The following TRIM55 variants were observed in gnomAD, a reference collection of about 807,000 sequenced individuals.
The protein encoded by TRIM55 is tripartite motif containing 55.
A neutral mutation model predicts 60.9 loss-of-function variants in TRIM55; 50 were observed. That is an observed-to-expected ratio of 0.82 (90% CI 0.65 to 1.04). The LOEUF is 1.04. Among genes scored for constraint, TRIM55 ranks in the 50% least tolerant of loss-of-function variants. The probability of loss-of-function intolerance (pLI) is 0.00; values close to 1 mark genes in which losing one functional copy is unlikely to be tolerated. For synonymous variants in TRIM55, 237 were observed against 238.1 expected (o/e 1.00, Z 0.04); for missense variants, 681 against 666.9 (o/e 1.02, Z -0.23).
intron 4 of TRIM55, among the ~76,000 whole-genome samples, chr8:66,147,568 G>C (rs559503360): frequency 6.6e-6 from 1 of 151,926 alleles, no homozygotes; most frequent in Non-Finnish European, 1.5e-5. Context: ...AGGCCGAGGC[G>C]GGTGGATCAT....
chr8:66,127,191 G>A lies in TRIM55; in HGVS notation c.-78G>A. The A allele has an allele frequency of 1.4e-6, 2 of 1,428,478 alleles. No homozygotes were observed. The highest frequency in any genetic ancestry group is 1.9e-6 in the Non-Finnish European group (2 of 1,043,546). 88.5% of individuals were successfully genotyped at this position (1,428,478 alleles called of 1,614,324 possible). ...AAGGACACTTGATCACACAATCCCT[G>A]GAATAATATCCAGGAAACACTTGCT... On this transcript the variant is annotated 5_prime_UTR_variant, in exon 1 of 10. Transcript: ENST00000315962.
intron 9 of TRIM55, among the ~76,000 whole-genome samples, chr8:66,164,860 A>G (rs905624556): frequency 2.0e-5 from 3 of 152,170 alleles, no homozygotes. Context: ...AGGAAAATAA[A>G]AAACATTACA....
chr8:66,168,978 G>C (rs535362352), intron 9 of TRIM55, among the ~76,000 whole-genome samples: 1 of 152,328 alleles, frequency 6.6e-6, no homozygotes, highest in South Asian at 2.1e-4. Flanking sequence ...CACAAGACAG[G>C]TAAGCGTTAG....
chr8:66,146,790 A>T (rs1810119051), intron 4 of TRIM55, among the ~76,000 whole-genome samples: 1 of 151,888 alleles, frequency 6.6e-6, no homozygotes, highest in African/African-American at 2.4e-5. Flanking sequence ...GAACAGTCCG[A>T]CTCTCAAGCT....
At chr8:66,157,242 G>A (rs1167224130) in intron 9 of TRIM55, among the ~76,000 whole-genome samples, 1 of 152,214 alleles carries the variant, frequency 6.6e-6, no homozygotes, top group South Asian at 2.1e-4. Context: ...TGTGGGGAGG[G>A]CGTTGACATC....
chr8:66,146,418 G>A (rs1271901249), intron 4 of TRIM55, among the ~76,000 whole-genome samples: 1 of 152,108 alleles, frequency 6.6e-6, no homozygotes, highest in Non-Finnish European at 1.5e-5. Flanking sequence ...TTTGACTTGA[G>A]AGAGTACACT....
intron 2 of TRIM55, among the ~76,000 whole-genome samples, chr8:66,131,782 A>G (rs769482386): frequency 4.6e-5 from 7 of 152,122 alleles, no homozygotes; most frequent in Non-Finnish European, 1.5e-5. Flanking sequence ...TAAGCTTCTC[A>G]CTGCAGGAAT....
intron 2 of TRIM55, among the ~76,000 whole-genome samples, chr8:66,129,061 GA>G (rs368424536): frequency 0.013 from 1,921 of 151,616 alleles, 47 homozygotes; most frequent in African/African-American, 0.04. Flanking sequence ...GAGCCATGAG[GA>G]AAAAAAAGGG....
At chr8:66,163,880 C>A (rs1586248853) in intron 9 of TRIM55, among the ~76,000 whole-genome samples, 1 of 152,134 alleles carries the variant, frequency 6.6e-6, no homozygotes, top group African/African-American at 2.4e-5. Flanking sequence ...ATTTTGAGAT[C>A]TTTGACTAGA....
intron 2 of TRIM55, among the ~76,000 whole-genome samples, chr8:66,133,418 C>G (rs1464014768): frequency 2.6e-5 from 4 of 151,384 alleles, no homozygotes; most frequent in African/African-American, 9.7e-5. Flanking sequence ...AAAGACTCAT[C>G]ATGGCCCCTG....
chr8:66,136,946 T>C (rs1563368421), intron 3 of TRIM55, 149 bp from the exon 4 acceptor site: 1 of 546,280 alleles, frequency 1.8e-6, no homozygotes, highest in Non-Finnish European at 3.2e-6. Flanking sequence ...TTGCTTGCAA[T>C]ATCAGAAGGT....
chr8:66,140,077 C>A (rs909377191), intron 4 of TRIM55, among the ~76,000 whole-genome samples: 8 of 152,158 alleles, frequency 5.3e-5, no homozygotes, highest in Non-Finnish European at 7.4e-5. Flanking sequence ...GTCCTAGGAG[C>A]AATAGATTGT....
chr8:66,116,875 A>T, the TRIM55 span, among the ~76,000 whole-genome samples: 1 of 152,270 alleles, frequency 6.6e-6, no homozygotes, highest in African/African-American at 2.4e-5. Flanking sequence ...ACAGACCAAT[A>T]TAGCTTATGA....
chr8:66,154,200 G>C lies in TRIM55; in HGVS notation c.1390G>C (p.Glu464Gln). 4 of 1,614,062 alleles carry C rather than the reference G, an allele frequency of 2.5e-6. No homozygotes were observed. Among genetic ancestry groups the C allele is most frequent in the Non-Finnish European group, 2.5e-6 (3 of 1,179,996 alleles). Reference sequence around the variant, plus strand: ...CAACCCACCTTGCACCCCAGGGAGCGAAGGTCTGGGGCAAATAGGGCCTCC... The same window carrying C: ...CAACCCACCTTGCACCCCAGGGAGCCAAGGTCTGGGGCAAATAGGGCCTCC... ...TTNPPCTPGS[E>Q]GLGQIGPPGS... The change falls in exon 9 of 10, where the codon GAA (glutamate) becomes CAA (glutamine). Residue 464 changes from glutamate (E) to glutamine (Q), a missense_variant. Transcript: ENST00000315962.
chr8:66,162,461 G>T (rs1434331761), intron 9 of TRIM55, among the ~76,000 whole-genome samples: 1 of 151,792 alleles, frequency 6.6e-6, no homozygotes, highest in Non-Finnish European at 1.5e-5. Flanking sequence ...GTTCATCAGG[G>T]ATATTGGTCT....
chr8:66,140,753 G>C (rs1173743562), intron 4 of TRIM55, among the ~76,000 whole-genome samples: 1 of 152,354 alleles, frequency 6.6e-6, no homozygotes, highest in East Asian at 1.9e-4. Flanking sequence ...ACCAGGGTCA[G>C]GGCCACAGAG....
At chr8:66,155,145 A>G (rs1810667088) in intron 9 of TRIM55, among the ~76,000 whole-genome samples, 1 of 152,220 alleles carries the variant, frequency 6.6e-6, no homozygotes, top group Non-Finnish European at 1.5e-5. Context: ...GCTGCCAGAA[A>G]GCACTCTCCA....
chr8:66,142,356 C>A (rs1586196731), intron 4 of TRIM55, among the ~76,000 whole-genome samples: 1 of 152,304 alleles, frequency 6.6e-6, no homozygotes, highest in East Asian at 1.9e-4. Context: ...CAAATGACTT[C>A]CGTTATTTAT....
chr8:66,152,457 G>A lies in TRIM55; in HGVS notation c.1066G>A (p.Val356Met), dbSNP rs1270028353. The change falls in exon 8 of 10, where the codon GTG becomes ATG. Residue 356 changes from valine to methionine, a missense_variant. By Grantham distance (21) the Val-to-Met change is conservative. Coordinates refer to ENST00000315962, the MANE Select transcript of TRIM55 (RefSeq NM_184085.2). ...AGAAGTGGGAGGAGAAGCAGTAGAA[G>A]TGGAAGAGGTAGAAAATGTTCAAAC... ...EGEVGGEAVE[V>M]EEVENVQTEF... 1 of 1,614,104 alleles carries A rather than the reference G, an allele frequency of 6.2e-7. No individual in the cohort carries two copies. The highest frequency in any genetic ancestry group is 1.1e-5 in the South Asian group (1 of 91,080).
Sources: gnomAD v4.1 joint callset for allele counts (sites outside exome capture counted in the v4.1 genomes callset) on GRCh38, gnomAD v4.1.1 for gene constraint, MANE v1.5 for transcripts, NCBI Gene and HGNC (gene_info 2026-07-23, HGNC 2026-07-21) for gene names.